The following KIAA1217 variants were observed in gnomAD, a reference collection of about 807,000 sequenced individuals.
The protein encoded by KIAA1217 is sickle tail protein homolog.
A neutral mutation model predicts 163.9 loss-of-function variants in KIAA1217; 88 were observed. The observed-to-expected ratio is 0.54, with a 90% CI of 0.45 to 0.64. The LOEUF is 0.64. Among genes scored for constraint, KIAA1217 ranks in the 30% least tolerant of loss-of-function variants. The pLI is 0.00. For missense variants in KIAA1217, 2,372 were observed against 2,475.0 expected, an observed-to-expected ratio of 0.96 and a Z score of 0.88; for synonymous variants, 903 against 923.1, an observed-to-expected ratio of 0.98 and a Z score of 0.39.
intron 3 of KIAA1217, among the ~76,000 whole-genome samples, chr10:24,401,809 A>C (rs1044991300): frequency 2.8e-5 from 4 of 143,356 alleles, no homozygotes; most frequent in Non-Finnish European, 4.5e-5. Context: ...CATTATCTAC[A>C]TAGGAAATCC....
intron 2 of KIAA1217, among the ~76,000 whole-genome samples, chr10:24,136,631 C>G (rs1210084459): frequency 6.6e-6 from 1 of 152,170 alleles, no homozygotes; most frequent in East Asian, 1.9e-4. Context: ...TTTGTATTGA[C>G]TGTCTACATA....
Position 23,886,850 on chromosome 10 carries a change from T to A in KIAA1217, c.-320-120375T>A, listed in dbSNP as rs1841195996. ...CAATCTTGTTGACTTTTTTTTTTTT[T>A]AACTTTTGAAGGAATTTACAGATAA... On this transcript the variant is annotated intron_variant, in intron 1 of 18. Coordinates refer to the KIAA1217 transcript ENST00000376462. Among the ~76,000 whole-genome samples, 7 of 151,710 alleles carry A rather than the reference T, an allele frequency of 4.6e-5. No individual in the cohort carries two copies. In the South Asian group the frequency reaches 1.5e-3, roughly 31 times the overall value.
chr10:23,734,680 A>G (rs189510151), intron 1 of KIAA1217, among the ~76,000 whole-genome samples: 3 of 152,166 alleles, frequency 2.0e-5, no homozygotes, highest in Admixed American at 6.5e-5. Context: ...ATATTCTTAC[A>G]CTATGTGATT....
chr10:23,967,307 A>G (rs938337093), intron 1 of KIAA1217, among the ~76,000 whole-genome samples: 3 of 152,274 alleles, frequency 2.0e-5, no homozygotes, highest in Middle Eastern at 3.4e-3. Context: ...AGATAACAGA[A>G]ATGAATAAGA....
chr10:24,279,167 G>A (rs1276847142), intron 2 of KIAA1217, among the ~76,000 whole-genome samples: 1 of 151,888 alleles, frequency 6.6e-6, no homozygotes, highest in African/African-American at 2.4e-5. Flanking sequence ...AAATTAATGG[G>A]GATGATTGAG....
chr10:23,732,288 C>T (rs548745766), intron 1 of KIAA1217, among the ~76,000 whole-genome samples: 1 of 151,932 alleles, frequency 6.6e-6, no homozygotes, highest in South Asian at 2.1e-4. Context: ...ATATAGTTGG[C>T]CCTTCATATC....
At chr10:24,120,348 C>A (rs1299995796) in intron 2 of KIAA1217, among the ~76,000 whole-genome samples, 2 of 152,030 alleles carry the variant, frequency 1.3e-5, no homozygotes, top group Non-Finnish European at 2.9e-5. Context: ...CCTTGGGAGA[C>A]GGGGAGGGGA....
intron 1 of KIAA1217, among the ~76,000 whole-genome samples, chr10:23,697,906 A>T (rs767127853): frequency 3.9e-5 from 6 of 151,986 alleles, no homozygotes; most frequent in Admixed American, 6.6e-5. Flanking sequence ...CAACAAAACT[A>T]CTTACTTTTG....
intron 1 of KIAA1217, among the ~76,000 whole-genome samples, chr10:23,824,297 A>T (rs1189116783): frequency 2.0e-5 from 3 of 151,586 alleles, no homozygotes; most frequent in Non-Finnish European, 4.4e-5. Flanking sequence ...AAATAAATAA[A>T]AAGAGGAGGG....
chr10:24,529,099 A>G (rs1301434076), intron 14 of KIAA1217, among the ~76,000 whole-genome samples: 1 of 152,158 alleles, frequency 6.6e-6, no homozygotes, highest in African/African-American at 2.4e-5. Flanking sequence ...CAGCAACTAA[A>G]ATTAATTTGG....
chr10:23,895,784 C>T (rs1841659387), intron 1 of KIAA1217, among the ~76,000 whole-genome samples: 1 of 151,882 alleles, frequency 6.6e-6, no homozygotes, highest in Non-Finnish European at 1.5e-5. Flanking sequence ...AAATGTGGCA[C>T]ATATACACCA....
At chr10:23,847,333 T>G (rs1839088578) in intron 1 of KIAA1217, among the ~76,000 whole-genome samples, 1 of 152,184 alleles carries the variant, frequency 6.6e-6, no homozygotes, top group African/African-American at 2.4e-5. Flanking sequence ...CTTGTACCTC[T>G]GGTAGAATTC....
chr10:23,703,471 C>T (rs116424323), intron 1 of KIAA1217, among the ~76,000 whole-genome samples: 140 of 152,234 alleles, frequency 9.2e-4, no homozygotes, highest in African/African-American at 3.2e-3. Flanking sequence ...ACAAGATTTT[C>T]GGAAGGTTTT....
chr10:24,260,586 C>CAAAAA (rs11352927), intron 2 of KIAA1217, among the ~76,000 whole-genome samples: 9 of 61,152 alleles, frequency 1.5e-4, no homozygotes, highest in African/African-American at 2.4e-4. Flanking sequence ...CTCATCTCTA[C>CAAAAA]AAAAAAAAAA....
At chr10:23,967,488 A>T (rs1215048004) in intron 1 of KIAA1217, among the ~76,000 whole-genome samples, 3 of 152,210 alleles carry the variant, frequency 2.0e-5, no homozygotes, top group Non-Finnish European at 2.9e-5. Context: ...AAAAAGAAAT[A>T]CAAATGGCCA....
intron 6 of KIAA1217, among the ~76,000 whole-genome samples, chr10:24,483,954 A>C (rs1025285943): frequency 3.3e-5 from 5 of 151,998 alleles, no homozygotes; most frequent in African/African-American, 1.2e-4. Context: ...TGAGTCACTA[A>C]GGGAGGCAGC....
At chr10:24,024,512 A>G (rs1356967897) in intron 2 of KIAA1217, among the ~76,000 whole-genome samples, 1 of 151,742 alleles carries the variant, frequency 6.6e-6, no homozygotes, top group African/African-American at 2.4e-5. Flanking sequence ...GGCTTTGTAA[A>G]TATACCTATG....
intron 1 of KIAA1217, among the ~76,000 whole-genome samples, chr10:23,761,950 C>T (rs1487373162): frequency 6.6e-6 from 1 of 151,928 alleles, no homozygotes; most frequent in African/African-American, 2.4e-5. Flanking sequence ...GAAATACAAA[C>T]TACCATCAGA....
At chr10:23,920,047 G>A (rs1842798185) in intron 1 of KIAA1217, among the ~76,000 whole-genome samples, 1 of 152,172 alleles carries the variant, frequency 6.6e-6, no homozygotes, top group South Asian at 2.1e-4. Flanking sequence ...AAGAGGCTTT[G>A]TCATGTGGAC....
Sources: allele counts gnomAD v4.1 joint callset (sites outside exome capture counted in the v4.1 genomes callset), GRCh38; gene constraint gnomAD v4.1.1; transcripts MANE v1.5; gene names NCBI Gene and HGNC (gene_info 2026-07-23, HGNC 2026-07-21).